Variants in ABCC4 observed in about 807,000 individuals in gnomAD.
The protein encoded by ABCC4 is ATP binding cassette subfamily C member 4 (PEL blood group), also known as ATP-binding cassette sub-family C member 4.
ABCC4 carries 102 observed loss-of-function variants against 168.5 expected under a neutral mutation model. The ratio of observed to expected loss-of-function variants is 0.61; its 90% CI spans 0.52 to 0.71. ABCC4 has a LOEUF of 0.71. Ranked by LOEUF, ABCC4 falls within the 30% of genes least tolerant of loss-of-function variation. ABCC4 has a pLI of 0.00. For synonymous variants in ABCC4, 617 were observed against 590.7 expected (o/e 1.04, Z -0.65); for missense variants, 1,402 against 1,605.8 (o/e 0.87, Z 2.17).
intron 20 of ABCC4, among the ~76,000 whole-genome samples, chr13:95,093,756 G>A (rs531050445): frequency 7.3e-5 from 11 of 150,762 alleles, no homozygotes; most frequent in Admixed American, 1.3e-4. Context: ...TCAAACTGTC[G>A]TTTACCTTGG....
intron 19 of ABCC4, among the ~76,000 whole-genome samples, chr13:95,120,683 G>A (rs1236373432): frequency 2.0e-5 from 3 of 152,092 alleles, no homozygotes; most frequent in East Asian, 1.9e-4. Context: ...TAGGTGGAGT[G>A]TGCAAAGGGC....
At chr13:95,180,951 C>T (rs1385072851) in intron 11 of ABCC4, among the ~76,000 whole-genome samples, 1 of 152,112 alleles carries the variant, frequency 6.6e-6, no homozygotes, top group East Asian at 1.9e-4. Context: ...ACGCCTCAGA[C>T]AGGGAAAATA....
intron 4 of ABCC4, among the ~76,000 whole-genome samples, chr13:95,220,738 T>C (rs1413159268): frequency 7.2e-5 from 11 of 152,180 alleles, no homozygotes; most frequent in Admixed American, 6.5e-4. Context: ...CTCGACTCTA[T>C]GATAAGCATA....
At chr13:95,220,091 C>A (rs2039272392) in intron 4 of ABCC4, among the ~76,000 whole-genome samples, 2 of 151,588 alleles carry the variant, frequency 1.3e-5, no homozygotes, top group Admixed American at 6.6e-5. Context: ...GTCTCGAAAT[C>A]CTGACCTCAA....
At chr13:95,247,533 C>A in intron 2 of ABCC4, 110 bp downstream of exon 2, 1 of 771,482 alleles carries the variant, frequency 1.3e-6, no homozygotes, top group Non-Finnish European at 2.1e-6. Context: ...GACACATATT[C>A]ACCTTAAGGG....
At chr13:95,291,592 T>C (rs2041406570) in intron 1 of ABCC4, among the ~76,000 whole-genome samples, 2 of 152,200 alleles carry the variant, frequency 1.3e-5, no homozygotes, top group South Asian at 4.1e-4. Flanking sequence ...AACAATGAGC[T>C]GCTAAACGTT....
At chr13:95,171,999 A>G (rs1327417492) in intron 13 of ABCC4, among the ~76,000 whole-genome samples, 1 of 152,198 alleles carries the variant, frequency 6.6e-6, no homozygotes, top group Non-Finnish European at 1.5e-5. Context: ...ATCTAAAGGG[A>G]GATGTTAATG....
intron 25 of ABCC4, among the ~76,000 whole-genome samples, chr13:95,064,505 ATGTGTGTATG>A (rs1243333780): frequency 1.4e-4 from 8 of 57,084 alleles, no homozygotes; most frequent in African/African-American, 4.7e-4. Flanking sequence ...ACACACGTGT[ATGTGTGTATG>A]TGTGTGTGTG....
chr13:95,148,464 C>T (rs1271439759), intron 19 of ABCC4, among the ~76,000 whole-genome samples: 1 of 152,040 alleles, frequency 6.6e-6, no homozygotes, highest in African/African-American at 2.4e-5. Context: ...CAAAGGACAT[C>T]TTATTTGCTG....
intron 20 of ABCC4, among the ~76,000 whole-genome samples, chr13:95,087,296 C>T (rs1037347602): frequency 6.6e-6 from 1 of 152,146 alleles, no homozygotes; most frequent in Non-Finnish European, 1.5e-5. Context: ...GAGGTCAAGG[C>T]AGGCAGATTG....
chr13:95,168,267 C>T (rs1438483805), intron 14 of ABCC4, among the ~76,000 whole-genome samples: 1 of 152,184 alleles, frequency 6.6e-6, no homozygotes, highest in Non-Finnish European at 1.5e-5. Flanking sequence ...CAGCCCTCTG[C>T]ATAAGAAATT....
At chr13:95,115,829 C>T (rs2035357374) in intron 20 of ABCC4, 93 bp downstream of exon 20, 2 of 989,346 alleles carry the variant, frequency 2.0e-6, no homozygotes, top group Non-Finnish European at 3.1e-6. Flanking sequence ...ACAGCCAGGC[C>T]GAGAGTCCCA....
intron 20 of ABCC4, among the ~76,000 whole-genome samples, chr13:95,100,860 A>T (rs537637880): frequency 6.6e-6 from 1 of 152,238 alleles, no homozygotes; most frequent in Non-Finnish European, 1.5e-5. Flanking sequence ...TGAGGGTAGG[A>T]GTTGGGGGAA....
intron 24 of ABCC4, among the ~76,000 whole-genome samples, chr13:95,072,297 C>A (rs993752407): frequency 1.3e-5 from 2 of 152,110 alleles, no homozygotes; most frequent in African/African-American, 4.8e-5. Context: ...CCCATTTCTA[C>A]TAAAAATACA....
intron 27 of ABCC4, among the ~76,000 whole-genome samples, chr13:95,052,170 G>A (rs2032872520): frequency 6.6e-6 from 1 of 151,648 alleles, no homozygotes; most frequent in Non-Finnish European, 1.5e-5. Flanking sequence ...TAGTAGAAAT[G>A]GGGTTTCACC....
chr13:95,209,473 GGCAGGA>G lies in ABCC4; in HGVS notation c.740_745del (p.Leu247_Leu248del). On this transcript the variant is annotated inframe_deletion, in exon 6 of 31. Coordinates refer to ENST00000645237, the MANE Select transcript of ABCC4 (RefSeq NM_005845.5). ...CAACTTCCCAAAACAGCTTTGCAAG[GGCAGGA>G]GAATGATTAGAACTGCCATCCCAGC... 1 of 1,614,152 alleles carries G rather than the reference GGCAGGA, an allele frequency of 6.2e-7. No individual in the cohort carries two copies. Among genetic ancestry groups the G allele is most frequent in the Non-Finnish European group, 8.5e-7 (1 of 1,180,012 alleles).
At chr13:95,068,637 C>T (rs1172978509) in intron 25 of ABCC4, among the ~76,000 whole-genome samples, 1 of 152,140 alleles carries the variant, frequency 6.6e-6, no homozygotes, top group East Asian at 1.9e-4. Flanking sequence ...GTGGTTGTAG[C>T]TATAATTCAG....
chr13:95,234,722 A>G lies in ABCC4; in HGVS notation c.419T>C (p.Val140Ala), dbSNP rs1216684109. ...CAAAATGAGCGTGCAAAAAGTCAGCACCGTGGCATAGGCGTACGCTGTGTT... is the reference window on the plus strand; with the variant it reads ...CAAAATGAGCGTGCAAAAAGTCAGCGCCGTGGCATAGGCGTACGCTGTGTT... ...ALNTAYAYAT[V>A]LTFCTLILAI... is the part of the protein sequence containing the mutation. Residue 140 changes from valine to alanine, a missense_variant, in exon 4 of 31, where the codon GTG becomes GCG. Coordinates refer to ENST00000645237, the MANE Select transcript of ABCC4 (RefSeq NM_005845.5). The G allele has an allele frequency of 5.0e-6, 8 of 1,613,976 alleles. No homozygotes were observed. Among genetic ancestry groups the G allele is most frequent in the African/African-American group, 1.3e-5 (1 of 74,926 alleles).
chr13:95,047,313 A>C (rs182281243), intron 27 of ABCC4, among the ~76,000 whole-genome samples: 2 of 152,246 alleles, frequency 1.3e-5, no homozygotes, highest in East Asian at 1.9e-4. Flanking sequence ...GACCATACTA[A>C]GATTATTTTG....
Sources: allele counts gnomAD v4.1 joint callset (sites outside exome capture counted in the v4.1 genomes callset), GRCh38; gene constraint gnomAD v4.1.1; transcripts MANE v1.5; gene names NCBI Gene and HGNC (gene_info 2026-07-23, HGNC 2026-07-21).